NCKAP5: variants seen among roughly 807,000 people sequenced by gnomAD.
NCKAP5 encodes the protein nck-associated protein 5.
A neutral mutation model predicts 167.0 loss-of-function variants in NCKAP5; 92 were observed. The observed-to-expected ratio is 0.55, with a 90% confidence interval of 0.47 to 0.66. NCKAP5 has a LOEUF of 0.66. Among genes scored for constraint, NCKAP5 ranks in the 30% least tolerant of loss-of-function variants. The pLI is 0.00. For missense variants in NCKAP5, 2,378 were observed against 2,315.0 expected (o/e 1.03, Z -0.56); for synonymous variants, 891 against 877.4 (o/e 1.02, Z -0.27).
chr2:133,380,016 G>A (rs1686408245), intron 3 of NCKAP5, among the ~76,000 whole-genome samples: 1 of 151,470 alleles, frequency 6.6e-6, no homozygotes, highest in African/African-American at 2.4e-5. Flanking sequence ...ATGAGAGAGG[G>A]AAAAAAATTA....
At chr2:133,549,205 A>C (rs1419853867) in intron 2 of NCKAP5, among the ~76,000 whole-genome samples, 4 of 151,928 alleles carry the variant, frequency 2.6e-5, no homozygotes, top group African/African-American at 9.7e-5. Context: ...TGCACCCAAT[A>C]CAGGAGCACC....
At chr2:133,588,772 T>C in the NCKAP5 span, among the ~76,000 whole-genome samples, 1 of 152,184 alleles carries the variant, frequency 6.6e-6, no homozygotes, top group Non-Finnish European at 1.5e-5. Flanking sequence ...CAGAAAATGA[T>C]TCTCTGATTG....
intron 3 of NCKAP5, among the ~76,000 whole-genome samples, chr2:133,460,763 A>C (rs1008009002): frequency 1.3e-5 from 2 of 152,212 alleles, no homozygotes; most frequent in African/African-American, 2.4e-5. Context: ...GGAAAAAATA[A>C]GATTTTTATT....
intron 7 of NCKAP5, among the ~76,000 whole-genome samples, chr2:132,985,150 A>T (rs193041125): frequency 6.6e-6 from 1 of 152,150 alleles, no homozygotes; most frequent in East Asian, 1.9e-4. Context: ...ATTTGTTTTA[A>T]CAGAGAGACC....
intron 8 of NCKAP5, among the ~76,000 whole-genome samples, chr2:132,940,847 TTTC>T (rs1283761078): frequency 1.3e-5 from 2 of 151,994 alleles, no homozygotes; most frequent in African/African-American, 2.4e-5. Context: ...AAGTGATACT[TTTC>T]TTCTTCTTTT....
intron 8 of NCKAP5, among the ~76,000 whole-genome samples, chr2:132,888,351 A>G (rs1009237407): frequency 2.0e-5 from 3 of 152,178 alleles, no homozygotes; most frequent in Non-Finnish European, 4.4e-5. Context: ...CTTTGCAAAC[A>G]TCAATATAAA....
intron 3 of NCKAP5, among the ~76,000 whole-genome samples, chr2:133,484,579 TAA>T (rs953335184): frequency 7.9e-5 from 12 of 152,138 alleles, no homozygotes; most frequent in South Asian, 2.1e-4. Context: ...AATCCAAAAT[TAA>T]AAAGTTTTTG....
rs888217082 is a variant in NCKAP5, at chr2:133,324,990, G to A, written c.70-21880C>T. On this transcript the variant is annotated intron_variant, in intron 3 of 19. Transcript: ENST00000409261. ...CCTAAAGTGCTGGGATTGCAGGCAA[G>A]AGCCACCACGCCCAGCCTGCCAAGT... Among the ~76,000 whole-genome samples the A allele has an allele frequency of 2.4e-4, 36 of 152,212 alleles. 1 individual carries two copies. Among genetic ancestry groups the A allele is most frequent in the African/African-American group, 7.7e-4 (32 of 41,442 alleles).
intron 6 of NCKAP5, among the ~76,000 whole-genome samples, chr2:133,010,921 T>C (rs2078137000): frequency 6.6e-6 from 1 of 152,148 alleles, no homozygotes; most frequent in Non-Finnish European, 1.5e-5. Context: ...AGAATCTATA[T>C]ACTGAAACTA....
At chr2:133,029,041 C>T (rs775547179) in intron 6 of NCKAP5, among the ~76,000 whole-genome samples, 5 of 152,280 alleles carry the variant, frequency 3.3e-5, no homozygotes, top group African/African-American at 9.6e-5. Context: ...TCCTATACAG[C>T]CTGCAGAACT....
chr2:132,740,444 G>C (rs1015638589), intron 16 of NCKAP5, among the ~76,000 whole-genome samples: 1 of 152,174 alleles, frequency 6.6e-6, no homozygotes, highest in South Asian at 2.1e-4. Flanking sequence ...CTGAATGGCT[G>C]AAACAAGCTT....
At chr2:132,778,026 GTCTT>G (rs1682701294) in intron 15 of NCKAP5, among the ~76,000 whole-genome samples, 1 of 152,078 alleles carries the variant, frequency 6.6e-6, no homozygotes, top group African/African-American at 2.4e-5. Flanking sequence ...GCCTAGAGCT[GTCTT>G]TCTTTGAGAC....
chr2:133,389,601 C>A (rs1006994276), intron 3 of NCKAP5, among the ~76,000 whole-genome samples: 1 of 152,172 alleles, frequency 6.6e-6, no homozygotes, highest in African/African-American at 2.4e-5. Context: ...TTTCTGACAT[C>A]CAAAGCTGAT....
At chr2:132,675,561 G>A (rs536134016) in intron 19 of NCKAP5, among the ~76,000 whole-genome samples, 8 of 152,226 alleles carry the variant, frequency 5.3e-5, no homozygotes, top group African/African-American at 1.7e-4. Flanking sequence ...CTGAGGGCCA[G>A]CAATCAGTTT....
In NCKAP5 at chr2:133,300,387, C is replaced by T. The variant is rs1680298821; in HGVS notation, c.143+2650G>A. On this transcript the variant is annotated intron_variant, in intron 4 of 19. Transcript: ENST00000409261. The stretch of plus-strand genomic sequence containing the variant: ...TGATGCAAAAATCCTCAATAAAATA[C>T]TGGCAAACCGAATCCAGCAGCACAT... Among the ~76,000 whole-genome samples, 2 of 125,982 alleles carry T rather than the reference C, an allele frequency of 1.6e-5. 1 individual carries two copies. Among genetic ancestry groups the T allele is most frequent in the East Asian group, 4.4e-4 (2 of 4,580 alleles). The allele number at this position is 125,982 out of a possible 152,430, so 82.6% of individuals were successfully genotyped here. A position where few individuals can be genotyped will look rare whatever the true frequency, so the allele number is the denominator to read the frequency against.
intron 4 of NCKAP5, among the ~76,000 whole-genome samples, chr2:133,225,585 G>A (rs1470878190): frequency 6.6e-6 from 1 of 152,062 alleles, no homozygotes; most frequent in Non-Finnish European, 1.5e-5. Context: ...ACACACGAGG[G>A]TGAGTTCAGC....
intron 19 of NCKAP5, among the ~76,000 whole-genome samples, chr2:132,694,473 C>CTTG (rs139414416): frequency 6.6e-6 from 1 of 151,372 alleles, no homozygotes; most frequent in Non-Finnish European, 1.5e-5. Context: ...TGGCCCAAAA[C>CTTG]TTTTAGTCCC....
At chr2:133,495,074 A>G (rs1681816179) in intron 3 of NCKAP5, among the ~76,000 whole-genome samples, 1 of 152,180 alleles carries the variant, frequency 6.6e-6, no homozygotes, top group South Asian at 2.1e-4. Context: ...AACTTTTTCA[A>G]CCAACTGCCA....
Position 133,149,704 on chromosome 2 carries a change from A to C in NCKAP5, c.208-19593T>G, listed in dbSNP as rs2083318054. Among the ~76,000 whole-genome samples the C allele has an allele frequency of 3.3e-5, 5 of 152,176 alleles. No homozygotes were observed. In the South Asian group the frequency reaches 1.0e-3, roughly 32 times the overall value. On this transcript the variant is annotated intron_variant, in intron 5 of 19. Transcript: ENST00000409261. ...ATTATTCATTCATTAACTATTTAGTAATTACTTCTTGCCAGACACTCAATA... is the reference window on the plus strand; with the variant it reads ...ATTATTCATTCATTAACTATTTAGTCATTACTTCTTGCCAGACACTCAATA...
Sources: gnomAD v4.1 joint callset for allele counts (sites outside exome capture counted in the v4.1 genomes callset) on GRCh38, gnomAD v4.1.1 for gene constraint, MANE v1.5 for transcripts, NCBI Gene and HGNC (gene_info 2026-07-23, HGNC 2026-07-21) for gene names.